Variants in FGF13 observed in about 807,000 individuals in gnomAD.
FGF13 encodes fibroblast growth factor homologous factor 2.
Under a neutral mutation model 19.5 loss-of-function variants are expected in FGF13, and 2 were observed. The observed-to-expected ratio is 0.10, with a 90% CI of 0.04 to 0.32. FGF13 has a LOEUF of 0.32. Among genes scored for constraint, FGF13 ranks in the 10% least tolerant of loss-of-function variants. The pLI is 1.00. For synonymous variants in FGF13, 72 were observed against 76.9 expected (o/e 0.94, Z 0.33); for missense variants, 113 against 192.7 (o/e 0.59, Z 2.45).
intron 1 of FGF13, among the ~76,000 whole-genome samples, chrX:139,100,067 C>CACAT (rs1323089867): frequency 9.2e-6 from 1 of 108,508 alleles, no homozygotes; most frequent in Non-Finnish European, 1.9e-5. Flanking sequence ...CACACACACA[C>CACAT]ACACACACAC....
chrX:138,877,197 TA>T (rs2091394895), intron 1 of FGF13, among the ~76,000 whole-genome samples: 1 of 108,414 alleles, frequency 9.2e-6, no homozygotes, highest in Non-Finnish European at 1.9e-5. Flanking sequence ...TATACCTATG[TA>T]ACAAACTGCA....
Position 138,629,012 on chromosome X carries a change from A to C in FGF13, c.*3838T>G, listed in dbSNP as rs1296748014. The stretch of plus-strand genomic sequence containing the variant: ...AGGCTAAATACAGTATAATGATTGA[A>C]TACACGTTCACAGATGGGGTGGAAA... On this transcript the variant is annotated 3_prime_UTR_variant, in exon 5 of 5. Transcript: ENST00000315930. The C allele has an allele frequency of 8.9e-5, 10 of 112,372 alleles. No individual in the cohort carries two copies. The Admixed American group carries it at 9.5e-4, about 11-fold the overall frequency. 9.3% of individuals were successfully genotyped at this position (112,372 alleles called of 1,213,427 possible).
intron 1 of FGF13, among the ~76,000 whole-genome samples, chrX:139,140,556 G>A: frequency 9.0e-6 from 1 of 111,309 alleles, no homozygotes; most frequent in Non-Finnish European, 1.9e-5. Context: ...GTGTTCTGTA[G>A]TAAGTCATTC....
At chrX:138,775,002 C>G (rs1338602061) in intron 3 of FGF13, among the ~76,000 whole-genome samples, 3 of 112,548 alleles carry the variant, frequency 2.7e-5, no homozygotes, top group Non-Finnish European at 5.6e-5. Context: ...CTCTGCCACC[C>G]AGGCTGGGGT....
At position 138,624,824 on chromosome X, in the gene FGF13, C is replaced by T. The variant is rs1293285874; in HGVS notation, c.*8026G>A. On this transcript the variant is annotated 3_prime_UTR_variant, in exon 5 of 5. Transcript: ENST00000315930. The stretch of plus-strand genomic sequence containing the variant: ...CTCCAGCCTGGGTGACAGAGTGAGA[C>T]ACTGTTTCAAAAAATAAAATAAAAA... 9.0e-6 allele frequency: 1 copy of T among 111,539 alleles called. No individual in the cohort carries two copies. Among genetic ancestry groups the T allele is most frequent in the African/African-American group, 3.3e-5 (1 of 30,641 alleles). 9.2% of individuals were successfully genotyped at this position (111,539 alleles called of 1,213,427 possible). A position where few individuals can be genotyped will look rare whatever the true frequency, so the allele number is the denominator to read the frequency against.
intron 1 of FGF13, among the ~76,000 whole-genome samples, chrX:139,080,551 T>C (rs1436245850): frequency 9.0e-6 from 1 of 111,381 alleles, no homozygotes; most frequent in East Asian, 2.8e-4. Flanking sequence ...AAACCCAAAT[T>C]TGAGTTAAGT....
intron 1 of FGF13, among the ~76,000 whole-genome samples, chrX:139,167,146 C>T (rs2084093361): frequency 8.9e-6 from 1 of 112,069 alleles, no homozygotes; most frequent in Admixed American, 9.5e-5. Context: ...AAATGAATAT[C>T]TCCTTCCTTT....
At chrX:138,879,212 T>C (rs956916411) in intron 1 of FGF13, among the ~76,000 whole-genome samples, 9 of 112,166 alleles carry the variant, frequency 8.0e-5, no homozygotes, top group African/African-American at 2.9e-4. Context: ...TTCAATTTTC[T>C]TTTGTCTTTT....
intron 1 of FGF13, among the ~76,000 whole-genome samples, chrX:138,903,989 A>G (rs1222092277): frequency 9.0e-6 from 1 of 111,238 alleles, no homozygotes; most frequent in Non-Finnish European, 1.9e-5. Context: ...CTATGTATAA[A>G]TGGATAGAGA....
At chrX:138,795,956 T>C (rs1402897072) in intron 3 of FGF13, among the ~76,000 whole-genome samples, 2 of 112,123 alleles carry the variant, frequency 1.8e-5, no homozygotes, top group African/African-American at 6.5e-5. Flanking sequence ...ATTGATGTTA[T>C]AATAAAGGGA....
At chrX:138,718,845 T>G (rs2090128402) in intron 1 of FGF13, among the ~76,000 whole-genome samples, 1 of 112,306 alleles carries the variant, frequency 8.9e-6, no homozygotes, top group Non-Finnish European at 1.9e-5. Context: ...TTCCCAAAAC[T>G]GGGGTTGGAA....
At chrX:138,711,825 C>A (rs1444415104), upstream of FGF13, among the ~76,000 whole-genome samples, 444 of 105,569 alleles carry the variant, frequency 4.2e-3, no homozygotes, top group Middle Eastern at 0.01. Context: ...CCCCACCCCC[C>A]CAAGTCCCCG....
In FGF13 at chrX:139,100,611, C is replaced by T. The variant is rs72616261; in HGVS notation, c.-113+102805G>A. 4.9e-3 allele frequency among the ~76,000 whole-genome samples: 541 copies of T among 111,231 alleles called. 7 individuals carry two copies. The East Asian group carries it at 0.062, about 13-fold the overall frequency. Reference sequence around the variant, plus strand: ...CAGTGGAGCTACAATACAACAAAGACGATAAAAAGCGTTTTTCCTTTGAAA... The same window carrying T: ...CAGTGGAGCTACAATACAACAAAGATGATAAAAAGCGTTTTTCCTTTGAAA... On this transcript the variant is annotated intron_variant, in intron 1 of 2. Coordinates refer to the FGF13 transcript ENST00000421460.
chrX:139,044,874 A>G (rs62602209), intron 1 of FGF13, among the ~76,000 whole-genome samples: 17,617 of 110,518 alleles, frequency 0.16, 1,293 homozygotes, highest in African/African-American at 0.27. Flanking sequence ...CAAGCTACTG[A>G]TGGATTTGAC....
chrX:138,828,296 G>C (rs760363276), intron 3 of FGF13, among the ~76,000 whole-genome samples: 2 of 86 alleles, frequency 0.023, no homozygotes, highest in Non-Finnish European at 0.044. Flanking sequence ...AGGGCCGGGC[G>C]CGGTGGTCAC....
intron 1 of FGF13, among the ~76,000 whole-genome samples, chrX:138,730,413 A>C (rs1029616951): frequency 1.8e-5 from 2 of 111,810 alleles, no homozygotes; most frequent in Non-Finnish European, 3.8e-5. Flanking sequence ...AAAATAATAA[A>C]ATTGTAATGA....
At position 138,625,577 on chromosome X, in the gene FGF13, T is replaced by C. The variant is rs2089055403; in HGVS notation, c.*7273A>G. 1 of 99,846 alleles carries C rather than the reference T, an allele frequency of 1.0e-5. No individual in the cohort carries two copies. Among genetic ancestry groups the C allele is most frequent in the Non-Finnish European group, 2.0e-5 (1 of 50,269 alleles). 8.2% of individuals were successfully genotyped at this position (99,846 alleles called of 1,213,427 possible). A position where few individuals can be genotyped will look rare whatever the true frequency, so the allele number is the denominator to read the frequency against. Reference sequence around the variant, plus strand: ...CTCCTTCCATTTACATAAACATGGATGAAACTTCAGAGCACGTTGAAATAA... The same window carrying C: ...CTCCTTCCATTTACATAAACATGGACGAAACTTCAGAGCACGTTGAAATAA... On this transcript the variant is annotated 3_prime_UTR_variant, in exon 5 of 5. Coordinates refer to ENST00000315930, the MANE Select transcript of FGF13 (RefSeq NM_004114.5).
chrX:138,651,156 A>G (rs773897696), intron 3 of FGF13, among the ~76,000 whole-genome samples: 2 of 112,106 alleles, frequency 1.8e-5, no homozygotes, highest in South Asian at 7.5e-4. Flanking sequence ...GCTTTGGGGT[A>G]AGCTCTGCAG....
chrX:139,134,176 C>T (rs748390846), intron 1 of FGF13, among the ~76,000 whole-genome samples: 1 of 111,871 alleles, frequency 8.9e-6, no homozygotes, highest in African/African-American at 3.2e-5. Context: ...CTTGGGTCTT[C>T]AACCATGCTC....
Sources: gnomAD v4.1 joint callset for allele counts (sites outside exome capture counted in the v4.1 genomes callset) on GRCh38, gnomAD v4.1.1 for gene constraint, MANE v1.5 for transcripts, NCBI Gene and HGNC (gene_info 2026-07-23, HGNC 2026-07-21) for gene names.